ADGRA3: variants seen among roughly 807,000 people sequenced by gnomAD.
ADGRA3 encodes G-protein coupled receptor 125.
Under a neutral mutation model 119.8 loss-of-function variants are expected in ADGRA3, and 56 were observed. The ratio of observed to expected loss-of-function variants is 0.47; its 90% CI spans 0.38 to 0.58. The LOEUF (loss-of-function observed/expected upper bound fraction) is 0.58, where lower values mean the gene tolerates loss of function less well. ADGRA3 is among the 20% of genes least tolerant of loss of function. The pLI is 0.00. For synonymous variants in ADGRA3, 607 were observed against 623.8 expected (o/e 0.97, Z 0.40); for missense variants, 1,516 against 1,649.0 (o/e 0.92, Z 1.40).
intron 1 of ADGRA3, among the ~76,000 whole-genome samples, chr4:22,511,787 T>C (rs1719454275): frequency 6.6e-6 from 1 of 152,048 alleles, no homozygotes; most frequent in Admixed American, 6.6e-5. Context: ...CATAACCAGA[T>C]ACTGTCCTCT....
intron 11 of ADGRA3, among the ~76,000 whole-genome samples, chr4:22,421,546 T>C (rs1715681075): frequency 6.6e-6 from 1 of 152,196 alleles, no homozygotes; most frequent in Admixed American, 6.5e-5. Context: ...CCTATTTCTT[T>C]CACAGGAAGA....
intron 16 of ADGRA3, among the ~76,000 whole-genome samples, chr4:22,397,806 A>G (rs1714428457): frequency 6.6e-6 from 1 of 152,110 alleles, no homozygotes; most frequent in South Asian, 2.1e-4. Flanking sequence ...TTTGCCTTCC[A>G]CCATGATTGT....
chr4:22,415,334 T>G (rs549568585), intron 12 of ADGRA3, among the ~76,000 whole-genome samples: 1 of 152,284 alleles, frequency 6.6e-6, no homozygotes, highest in African/African-American at 2.4e-5. Flanking sequence ...AAATATCTTT[T>G]CAATGTAAGT....
At chr4:22,510,594 G>A (rs1486824846) in intron 1 of ADGRA3, among the ~76,000 whole-genome samples, 2 of 151,830 alleles carry the variant, frequency 1.3e-5, no homozygotes, top group African/African-American at 2.4e-5. Flanking sequence ...CATACGGGCC[G>A]GGCCGATGGT....
In ADGRA3 at chr4:22,420,896, A is replaced by G; in HGVS notation, c.1799T>C (p.Leu600Pro). The G allele has an allele frequency of 6.2e-7, 1 of 1,613,884 alleles. No homozygotes were observed. Among genetic ancestry groups the G allele is most frequent in the South Asian group, 1.1e-5 (1 of 91,076 alleles). Residue 600 changes from leucine to proline, a missense_variant, in exon 12 of 19, where the codon CTG becomes CCG. Physicochemically the swap from Leu to Pro is moderately conservative, Grantham distance 98. Transcript: ENST00000334304. ...KCNVSNTFSS[L>P]ALKNTIVEAS... is the part of the protein sequence containing the mutation. ...CAGAATGTAACATACCTTTAGTGCC[A>G]GACTCGAAAATGTATTTGAAACATT...
Position 22,421,090 on chromosome 4 carries a change from C to T in ADGRA3, c.1606-1G>A. 1 of 1,612,030 alleles carries T rather than the reference C, an allele frequency of 6.2e-7. No homozygotes were observed. The highest frequency in any genetic ancestry group is 8.5e-7 in the Non-Finnish European group (1 of 1,178,494). On this transcript the variant is annotated splice_acceptor_variant, in intron 11 of 18. Transcript: ENST00000334304. LOFTEE classifies it high-confidence loss of function. ...CTTCCAGAGCAATATTGGGTGAATACTTGAAAAGTCAATCAAACAGGAGTT... is the reference window on the plus strand; with the variant it reads ...CTTCCAGAGCAATATTGGGTGAATATTTGAAAAGTCAATCAAACAGGAGTT...
rs1353521229 is a variant in ADGRA3, at chr4:22,473,771, C to A, written c.329+1G>T. The A allele has an allele frequency of 6.4e-7, 1 of 1,559,188 alleles. No individual in the cohort carries two copies. Among genetic ancestry groups the A allele is most frequent in the African/African-American group, 1.4e-5 (1 of 73,760 alleles). ...TGAGATGATAATTAAAGAATACTCA[C>A]AATCTTTCAAGGAGACTTAACCCAG... is the stretch of plus-strand genomic sequence containing the variant. On this transcript the variant is annotated splice_donor_variant, in intron 2 of 18. Transcript: ENST00000334304. LOFTEE classifies it high-confidence loss of function.
intron 1 of ADGRA3, among the ~76,000 whole-genome samples, chr4:22,508,938 C>T (rs1719338480): frequency 6.6e-6 from 1 of 152,164 alleles, no homozygotes. Flanking sequence ...GCAACGGGGC[C>T]AAAATTCCCT....
At chr4:22,493,987 A>G (rs1718721020) in intron 1 of ADGRA3, among the ~76,000 whole-genome samples, 1 of 151,928 alleles carries the variant, frequency 6.6e-6, no homozygotes, top group Admixed American at 6.6e-5. Context: ...GGTGGATCAC[A>G]AGGTCAGGGG....
chr4:22,501,835 C>T (rs940727336), intron 1 of ADGRA3, among the ~76,000 whole-genome samples: 1 of 151,044 alleles, frequency 6.6e-6, no homozygotes. Context: ...AAAAGTATTA[C>T]AAAGTTTCTG....
At chr4:22,484,376 G>T (rs569305949) in intron 1 of ADGRA3, among the ~76,000 whole-genome samples, 1 of 152,044 alleles carries the variant, frequency 6.6e-6, no homozygotes, top group Non-Finnish European at 1.5e-5. Flanking sequence ...AGGCCAAGGC[G>T]GGTGGATCAC....
chr4:22,469,780 C>T (rs1267129427), intron 2 of ADGRA3, among the ~76,000 whole-genome samples: 6 of 152,168 alleles, frequency 3.9e-5, no homozygotes, highest in Non-Finnish European at 7.3e-5. Context: ...AGACCTGACA[C>T]GGCTCCCTGC....
At chr4:22,439,091 A>T (rs964109380) in intron 7 of ADGRA3, among the ~76,000 whole-genome samples, 15 of 152,196 alleles carry the variant, frequency 9.9e-5, no homozygotes, top group Admixed American at 2.0e-4. Context: ...TTTCCAAGTC[A>T]CATCTCCCTT....
At position 22,413,387 on chromosome 4, in the gene ADGRA3, C is replaced by T. The variant is rs1368342362; in HGVS notation, c.2027G>A (p.Gly676Asp). 1.2e-6 allele frequency: 2 copies of T among 1,611,848 alleles called. No individual in the cohort carries two copies. Among genetic ancestry groups the T allele is most frequent in the Non-Finnish European group, 8.5e-7 (1 of 1,178,016 alleles). ...VTPVILTKIDGVNVDTHHIPV... is the reference protein window; with the variant it reads ...VTPVILTKIDDVNVDTHHIPV... Reference sequence around the variant, plus strand: ...GATGTGGTGGGTATCTACATTCACACCATCTGGAGAAAATGGGAAATAAAA... The same window carrying T: ...GATGTGGTGGGTATCTACATTCACATCATCTGGAGAAAATGGGAAATAAAA... The change falls in exon 14 of 19, where the codon GGT becomes GAT. Residue 676 changes from glycine to aspartate, a missense_variant. Physicochemically the swap from Gly to Asp is moderately conservative, Grantham distance 94. Coordinates refer to ENST00000334304, the MANE Select transcript of ADGRA3 (RefSeq NM_145290.4).
intron 12 of ADGRA3, among the ~76,000 whole-genome samples, chr4:22,415,349 TAG>T (rs1428156784): frequency 6.6e-6 from 1 of 152,044 alleles, no homozygotes; most frequent in Admixed American, 6.5e-5. Context: ...GTAAGTATTT[TAG>T]ATGTTTGTAT....
chr4:22,488,226 T>C (rs774494611), intron 1 of ADGRA3, among the ~76,000 whole-genome samples: 1 of 152,152 alleles, frequency 6.6e-6, no homozygotes, highest in Non-Finnish European at 1.5e-5. Flanking sequence ...TATAGGGTTG[T>C]GTAGTTGCAA....
chr4:22,413,034 TATC>T, intron 14 of ADGRA3, 145 bp downstream of exon 14: 1 of 630,676 alleles, frequency 1.6e-6, no homozygotes, highest in East Asian at 2.7e-5. Context: ...TTAGAACACA[TATC>T]ATCTCATATA....
At chr4:22,460,183 GC>G (rs772179977) in intron 3 of ADGRA3, among the ~76,000 whole-genome samples, 8 of 152,228 alleles carry the variant, frequency 5.3e-5, no homozygotes, top group Non-Finnish European at 1.2e-4. Flanking sequence ...CCTTTCCCTA[GC>G]AGGTTCTGTT....
chr4:22,428,453 A>G (rs1429130157), intron 10 of ADGRA3, among the ~76,000 whole-genome samples: 1 of 152,196 alleles, frequency 6.6e-6, no homozygotes. Flanking sequence ...AGGCCGTTCC[A>G]TATTTACATT....
Sources: allele counts gnomAD v4.1 joint callset (sites outside exome capture counted in the v4.1 genomes callset), GRCh38; gene constraint gnomAD v4.1.1; transcripts MANE v1.5; gene names NCBI Gene and HGNC (gene_info 2026-07-23, HGNC 2026-07-21).